OSTM1: variants seen among roughly 807,000 people sequenced by gnomAD.
OSTM1 encodes osteoclastogenesis associated transmembrane protein 1.
In OSTM1, 26 loss-of-function variants were observed where a neutral mutation model predicts 35.4. That is an observed-to-expected ratio of 0.73 (90% CI 0.54 to 1.02). The LOEUF (loss-of-function observed/expected upper bound fraction) is 1.02, where lower values mean the gene tolerates loss of function less well. Ranked by LOEUF, OSTM1 falls within the 50% of genes least tolerant of loss-of-function variation. The probability of loss-of-function intolerance (pLI) is 0.00; values close to 1 mark genes in which losing one functional copy is unlikely to be tolerated. For missense variants in OSTM1, 366 were observed against 409.6 expected, an observed-to-expected ratio of 0.89 and a Z score of 0.92; for synonymous variants, 181 against 165.0, an observed-to-expected ratio of 1.10 and a Z score of -0.75.
rs1463474125 is a variant in OSTM1, at chr6:108,074,655, C to T, written c.-4G>A. 6.5e-7 allele frequency: 1 copy of T among 1,541,462 alleles called. No homozygotes were observed. Among genetic ancestry groups the T allele is most frequent in the Non-Finnish European group, 8.7e-7 (1 of 1,150,406 alleles). Reference sequence around the variant, plus strand: ...CGGCTGTCGGGCCCGGCTCCATCACCGGGCTCACACACCCCAGGGAGCCCA... The same window carrying T: ...CGGCTGTCGGGCCCGGCTCCATCACTGGGCTCACACACCCCAGGGAGCCCA... On this transcript the variant is annotated 5_prime_UTR_variant, in exon 1 of 6. Coordinates refer to ENST00000193322, the MANE Select transcript of OSTM1 (RefSeq NM_014028.4).
Position 108,041,721 on chromosome 6 carries a change from G to A in OSTM1, c.*3064C>T, listed in dbSNP as rs1771871663. 6.6e-6 allele frequency: 1 copy of A among 152,128 alleles called. No individual in the cohort carries two copies. Among genetic ancestry groups the A allele is most frequent in the Non-Finnish European group, 1.5e-5 (1 of 68,028 alleles). 9.4% of individuals were successfully genotyped at this position (152,128 alleles called of 1,614,324 possible). ...TGTTATAAATAAAGAGCTCTATGATGTTCCACTTATTTAGTCTTAATAAGG... is the reference window on the plus strand; with the variant it reads ...TGTTATAAATAAAGAGCTCTATGATATTCCACTTATTTAGTCTTAATAAGG... On this transcript the variant is annotated 3_prime_UTR_variant, in exon 6 of 6. Coordinates refer to ENST00000193322, the MANE Select transcript of OSTM1 (RefSeq NM_014028.4).
At chr6:108,050,194 G>T (rs905158827) in intron 4 of OSTM1, among the ~76,000 whole-genome samples, 1 of 152,082 alleles carries the variant, frequency 6.6e-6, no homozygotes, top group African/African-American at 2.4e-5. Flanking sequence ...AACAAAAAAA[G>T]CCTAAGTCCT....
rs553494801 is a variant in OSTM1 at position 108,074,427 on chromosome 6, C to T, written c.225G>A (p.Pro75=). Residue 75 remains proline (P), a synonymous_variant, in exon 1 of 6, where the codon CCG becomes CCA. Coordinates refer to ENST00000193322, the MANE Select transcript of OSTM1 (RefSeq NM_014028.4). Reference sequence around the variant, plus strand: ...ACTCAGGATCCAGATCCGGCAGGTCCGGGGGCAGCGACAGAGGCCCCAGCC... The same window carrying T: ...ACTCAGGATCCAGATCCGGCAGGTCTGGGGGCAGCGACAGAGGCCCCAGCC... ...GGGLGPLSLP[P]DLPDLDPECR... The T allele has an allele frequency of 1.9e-6, 3 of 1,561,444 alleles. No individual in the cohort carries two copies. Among genetic ancestry groups the T allele is most frequent in the South Asian group, 2.3e-5 (2 of 85,444 alleles).
chr6:108,052,098 C>T (rs1316937052), intron 3 of OSTM1, among the ~76,000 whole-genome samples: 3 of 152,098 alleles, frequency 2.0e-5, no homozygotes, highest in African/African-American at 7.2e-5. Context: ...CAAGAAATAG[C>T]CCATTGCTTG....
intron 5 of OSTM1, among the ~76,000 whole-genome samples, chr6:108,047,719 AG>A (rs1310535050): frequency 1.3e-5 from 2 of 152,266 alleles, no homozygotes; most frequent in East Asian, 3.9e-4. Flanking sequence ...AGGGGATGAG[AG>A]GGGAATGTGG....
Position 108,064,273 on chromosome 6 carries a change from G to T in OSTM1, c.429C>A (p.Ala143=). The T allele has an allele frequency of 6.3e-7, 1 of 1,590,132 alleles. No homozygotes were observed. Among genetic ancestry groups the T allele is most frequent in the Non-Finnish European group, 8.6e-7 (1 of 1,161,476 alleles). Residue 143 remains alanine, a synonymous_variant, in exon 2 of 6, where the codon GCC becomes GCA. Coordinates refer to ENST00000193322, the MANE Select transcript of OSTM1 (RefSeq NM_014028.4). The stretch of plus-strand genomic sequence containing the variant: ...TTCTATCTGCCATTAAGAGACTTCT[G>T]GCACAACTCTGACTCTCTGAAGTAT... ...AGNTSESQSC[A]RSLLMADRMQ...
intron 2 of OSTM1, among the ~76,000 whole-genome samples, chr6:108,060,318 C>T (rs879399167): frequency 6.6e-6 from 1 of 152,180 alleles, no homozygotes; most frequent in African/African-American, 2.4e-5. Flanking sequence ...AGAATTTATT[C>T]TAAAGCATTT....
intron 4 of OSTM1, among the ~76,000 whole-genome samples, chr6:108,050,243 C>G (rs563693239): frequency 1.4e-5 from 2 of 147,704 alleles, no homozygotes; most frequent in African/African-American, 5.0e-5. Flanking sequence ...GGAAGACAGA[C>G]TAAAAATAAA....
rs1582383757 is a variant in OSTM1 at position 108,043,465 on chromosome 6, A to G, written c.*1320T>C. The stretch of plus-strand genomic sequence containing the variant: ...TTTTATAGTATAGGAAGGGATTCAA[A>G]TTCTCTTTTTAACAAAATTCTTGTT... On this transcript the variant is annotated 3_prime_UTR_variant, in exon 6 of 6. Coordinates refer to ENST00000193322, the MANE Select transcript of OSTM1 (RefSeq NM_014028.4). The G allele has an allele frequency of 6.6e-6, 1 of 152,304 alleles. No individual in the cohort carries two copies. Among genetic ancestry groups the G allele is most frequent in the East Asian group, 1.9e-4 (1 of 5,188 alleles). 9.4% of individuals were successfully genotyped at this position (152,304 alleles called of 1,614,324 possible). A position where few individuals can be genotyped will look rare whatever the true frequency, so the allele number is the denominator to read the frequency against.
Position 108,072,289 on chromosome 6 carries a change from G to A in OSTM1, c.402+1961C>T, listed in dbSNP as rs922191548. 9.9e-5 allele frequency among the ~76,000 whole-genome samples: 15 copies of A among 152,238 alleles called. No individual in the cohort carries two copies. The East Asian group carries it at 2.9e-3, about 29-fold the overall frequency. On this transcript the variant is annotated intron_variant, in intron 1 of 5. Transcript: ENST00000193322. ...ATATATATTCCTTGCTATACCCAATGGAAGTGTGCCTGGAAAATACCGCAT... is the reference window on the plus strand; with the variant it reads ...ATATATATTCCTTGCTATACCCAATAGAAGTGTGCCTGGAAAATACCGCAT...
chr6:108,046,168 A>ATTT (rs750495431), intron 5 of OSTM1, among the ~76,000 whole-genome samples: 995 of 93,414 alleles, frequency 0.011, 23 homozygotes, highest in African/African-American at 0.05. Flanking sequence ...CGCCCAGCTA[A>ATTT]TTTTTTTTTT....
intron 2 of OSTM1, among the ~76,000 whole-genome samples, chr6:108,058,541 C>T (rs959249046): frequency 6.6e-6 from 1 of 152,198 alleles, no homozygotes; most frequent in Non-Finnish European, 1.5e-5. Context: ...GTAATCCCAG[C>T]ACTTTGGGAG....
intron 1 of OSTM1, among the ~76,000 whole-genome samples, chr6:108,069,914 T>C (rs1175319098): frequency 6.6e-6 from 1 of 152,212 alleles, no homozygotes; most frequent in Non-Finnish European, 1.5e-5. Flanking sequence ...TTTTTTCTCC[T>C]TATTATACTC....
intron 1 of OSTM1, among the ~76,000 whole-genome samples, chr6:108,068,378 T>A (rs1036988536): frequency 6.6e-6 from 1 of 152,126 alleles, no homozygotes; most frequent in Non-Finnish European, 1.5e-5. Context: ...AATCAATATA[T>A]CCACTTAGAA....
At chr6:108,047,187 T>TA (rs1484394800) in intron 5 of OSTM1, among the ~76,000 whole-genome samples, 2 of 152,248 alleles carry the variant, frequency 1.3e-5, no homozygotes, top group Non-Finnish European at 2.9e-5. Flanking sequence ...GGTGTATTCT[T>TA]AGACTGGGGA....
At chr6:108,053,761 T>G (rs1282422635) in intron 3 of OSTM1, among the ~76,000 whole-genome samples, 1 of 152,192 alleles carries the variant, frequency 6.6e-6, no homozygotes, top group Non-Finnish European at 1.5e-5. Context: ...ATACTGCACC[T>G]GGCCCAATTT....
At chr6:108,052,843 T>C (rs971993410) in intron 3 of OSTM1, among the ~76,000 whole-genome samples, 2 of 152,196 alleles carry the variant, frequency 1.3e-5, no homozygotes, top group Non-Finnish European at 2.9e-5. Context: ...ACATGGTTTA[T>C]CACTGCCATT....
chr6:108,054,966 T>G (rs1423365860), intron 2 of OSTM1, among the ~76,000 whole-genome samples: 1 of 152,202 alleles, frequency 6.6e-6, no homozygotes, highest in African/African-American at 2.4e-5. Context: ...CCTTATCATT[T>G]TTTGTGTCAA....
At chr6:108,068,847 C>T (rs1315035198) in intron 1 of OSTM1, among the ~76,000 whole-genome samples, 1 of 152,126 alleles carries the variant, frequency 6.6e-6, no homozygotes, top group Non-Finnish European at 1.5e-5. Context: ...GTCTAAAATC[C>T]TTAACATACC....
Sources: gnomAD v4.1 joint callset for allele counts (sites outside exome capture counted in the v4.1 genomes callset) on GRCh38, gnomAD v4.1.1 for gene constraint, MANE v1.5 for transcripts, NCBI Gene and HGNC (gene_info 2026-07-23, HGNC 2026-07-21) for gene names.